The following ASTN2 variants were observed in gnomAD, a reference collection of about 807,000 sequenced individuals.
ASTN2 encodes the protein astrotactin-2.
In ASTN2, 54 loss-of-function variants were observed where a neutral mutation model predicts 139.8. The ratio of observed to expected loss-of-function variants is 0.39; its 90% CI spans 0.31 to 0.48. ASTN2 has a LOEUF of 0.48. Ranked by LOEUF, ASTN2 falls within the 20% of genes least tolerant of loss-of-function variation. ASTN2 has a pLI of 0.95. For synonymous variants in ASTN2, 756 were observed against 719.5 expected (o/e 1.05, Z -0.81); for missense variants, 1,565 against 1,725.1 (o/e 0.91, Z 1.64).
At chr9:116,610,472 C>T (rs892168807) in intron 19 of ASTN2, among the ~76,000 whole-genome samples, 11 of 151,964 alleles carry the variant, frequency 7.2e-5, no homozygotes, top group African/African-American at 1.4e-4. Flanking sequence ...GGGGTGGTGG[C>T]GGGTGCCTGT....
chr9:117,008,060 C>T, intron 7 of ASTN2, 32 bp downstream of exon 7: 1 of 1,537,622 alleles, frequency 6.5e-7, no homozygotes, highest in Non-Finnish European at 8.8e-7. Context: ...CCTCTCCCAC[C>T]TTCTATCCCC....
At chr9:116,607,691 A>T (rs1221978028) in intron 19 of ASTN2, among the ~76,000 whole-genome samples, 1 of 121,092 alleles carries the variant, frequency 8.3e-6, no homozygotes. Context: ...ACACACACAC[A>T]CACACACACA....
chr9:116,748,645 G>C (rs1829316656), intron 13 of ASTN2, among the ~76,000 whole-genome samples: 1 of 152,206 alleles, frequency 6.6e-6, no homozygotes, highest in South Asian at 2.1e-4. Flanking sequence ...AATAAGAGCA[G>C]ACACACAGTA....
At chr9:117,089,832 T>C (rs1051467573) in intron 5 of ASTN2, among the ~76,000 whole-genome samples, 1 of 152,236 alleles carries the variant, frequency 6.6e-6, no homozygotes, top group South Asian at 2.1e-4. Flanking sequence ...TCCAATCTCA[T>C]CCAGGTTGTG....
chr9:116,734,376 T>C (rs920172776), intron 13 of ASTN2, among the ~76,000 whole-genome samples: 2 of 152,046 alleles, frequency 1.3e-5, no homozygotes, highest in Non-Finnish European at 2.9e-5. Context: ...TTCTAGACAA[T>C]AGACCTGCCT....
chr9:116,748,601 C>T (rs937797510), intron 13 of ASTN2, among the ~76,000 whole-genome samples: 2 of 152,210 alleles, frequency 1.3e-5, no homozygotes, highest in African/African-American at 4.8e-5. Flanking sequence ...AAGGCCTGGA[C>T]TCCATTCATA....
chr9:117,349,385 C>G (rs1829320846), intron 1 of ASTN2, among the ~76,000 whole-genome samples: 3 of 152,146 alleles, frequency 2.0e-5, no homozygotes, highest in Admixed American at 2.0e-4. Context: ...TTGCTTCGAA[C>G]TTGTTGAGAA....
At chr9:117,410,012 G>A (rs910049146) in intron 1 of ASTN2, among the ~76,000 whole-genome samples, 7 of 152,178 alleles carry the variant, frequency 4.6e-5, no homozygotes, top group South Asian at 2.1e-4. Context: ...ACGCATGCAG[G>A]TGTACTTAAC....
chr9:116,936,224 CTACCACCAT>C, intron 10 of ASTN2, among the ~76,000 whole-genome samples: 1 of 139,656 alleles, frequency 7.2e-6, no homozygotes, highest in Non-Finnish European at 1.6e-5. Flanking sequence ...ACCACCACCA[CTACCACCAT>C]CACCACCACC....
chr9:117,028,341 A>G (rs897537500), intron 6 of ASTN2, among the ~76,000 whole-genome samples: 4 of 152,218 alleles, frequency 2.6e-5, no homozygotes, highest in Admixed American at 6.5e-5. Context: ...CTGCAGATAT[A>G]TTTGGCTTAC....
intron 5 of ASTN2, among the ~76,000 whole-genome samples, chr9:117,041,942 T>C (rs148020656): frequency 1.3e-5 from 2 of 152,284 alleles, no homozygotes; most frequent in East Asian, 3.9e-4. Flanking sequence ...GTGTTTCCCC[T>C]CATACCTTAT....
intron 3 of ASTN2, among the ~76,000 whole-genome samples, chr9:117,191,149 A>G (rs182112382): frequency 6.6e-6 from 1 of 151,922 alleles, no homozygotes; most frequent in East Asian, 1.9e-4. Context: ...TCCTGGGAAT[A>G]TACCCTGAGG....
chr9:117,385,413 T>C (rs747123073), intron 1 of ASTN2, among the ~76,000 whole-genome samples: 71 of 152,034 alleles, frequency 4.7e-4, no homozygotes, highest in Non-Finnish European at 8.4e-4. Context: ...CCAATAATCA[T>C]TGAATATGGA....
chr9:117,246,739 G>T (rs1361097450), intron 2 of ASTN2, among the ~76,000 whole-genome samples: 1 of 152,150 alleles, frequency 6.6e-6, no homozygotes, highest in Non-Finnish European at 1.5e-5. Flanking sequence ...GGTACAAGGT[G>T]CTGTGCCAGA....
intron 1 of ASTN2, among the ~76,000 whole-genome samples, chr9:117,363,072 C>CA (rs1829737761): frequency 6.6e-6 from 1 of 152,138 alleles, no homozygotes; most frequent in South Asian, 2.1e-4. Context: ...TGCCAGCCTG[C>CA]AATGCCTCAT....
At chr9:116,469,237 G>A (rs1848740423) in intron 20 of ASTN2, among the ~76,000 whole-genome samples, 1 of 152,044 alleles carries the variant, frequency 6.6e-6, no homozygotes, top group African/African-American at 2.4e-5. Flanking sequence ...GAGAATAAAT[G>A]TGTGTTGGAT....
At chr9:116,577,403 G>A (rs1400466891) in intron 19 of ASTN2, among the ~76,000 whole-genome samples, 1 of 151,398 alleles carries the variant, frequency 6.6e-6, no homozygotes. Flanking sequence ...GTGGTGGCTT[G>A]TGCCTGTTGT....
chr9:117,261,160 T>C (rs1339953059), intron 2 of ASTN2, among the ~76,000 whole-genome samples: 1 of 152,076 alleles, frequency 6.6e-6, no homozygotes, highest in Non-Finnish European at 1.5e-5. Flanking sequence ...ATGGTAGTAA[T>C]AAGAAAGTCA....
At chr9:117,365,090 A>G (rs1336397637) in intron 1 of ASTN2, among the ~76,000 whole-genome samples, 1 of 151,802 alleles carries the variant, frequency 6.6e-6, no homozygotes, top group African/African-American at 2.4e-5. Context: ...TAGAGGTTGC[A>G]GTAAGCCAAC....
Sources: allele counts gnomAD v4.1 joint callset (sites outside exome capture counted in the v4.1 genomes callset), GRCh38; gene constraint gnomAD v4.1.1; transcripts MANE v1.5; gene names NCBI Gene and HGNC (gene_info 2026-07-23, HGNC 2026-07-21).